The following SPON1 variants were observed in gnomAD, a reference collection of about 807,000 sequenced individuals.
SPON1 encodes the protein spondin 1.
A neutral mutation model predicts 111.7 loss-of-function variants in SPON1; 52 were observed. That is an observed-to-expected ratio of 0.47 (90% CI 0.37 to 0.59). The LOEUF (loss-of-function observed/expected upper bound fraction) is 0.59. SPON1 is among the 20% of genes least tolerant of loss of function. SPON1 has a pLI of 0.00. For missense variants in SPON1, 957 were observed against 1,068.5 expected, an observed-to-expected ratio of 0.90 and a Z score of 1.46; for synonymous variants, 410 against 395.8, an observed-to-expected ratio of 1.04 and a Z score of -0.43.
In SPON1 at chr11:13,962,805, C is replaced by G; in HGVS notation, c.-100C>G. On this transcript the variant is annotated 5_prime_UTR_variant, in exon 1 of 16. Coordinates refer to ENST00000576479, the MANE Select transcript of SPON1 (RefSeq NM_006108.4). ...ACGCCAGCTCCGAGCTCCCTCTCTC[C>G]GCCGCGCCTCCGCCAGGTCGCGCCT... is the stretch of plus-strand genomic sequence containing the variant. 5.2e-6 allele frequency: 6 copies of G among 1,157,870 alleles called. No individual in the cohort carries two copies. The highest frequency in any genetic ancestry group is 6.9e-6 in the Non-Finnish European group (6 of 870,174). 71.7% of individuals were successfully genotyped at this position (1,157,870 alleles called of 1,614,324 possible). A position where few individuals can be genotyped will look rare whatever the true frequency, so the allele number is the denominator to read the frequency against.
chr11:14,201,730 A>G (rs1197588110), intron 6 of SPON1, among the ~76,000 whole-genome samples: 1 of 152,206 alleles, frequency 6.6e-6, no homozygotes, highest in African/African-American at 2.4e-5. Flanking sequence ...AATACATACA[A>G]TTGAGTATAT....
rs565381170 is a variant in SPON1, at chr11:14,149,742, C to T, written c.825+14174C>T. On this transcript the variant is annotated intron_variant, in intron 6 of 15. Coordinates refer to ENST00000576479, the MANE Select transcript of SPON1 (RefSeq NM_006108.4). Reference sequence around the variant, plus strand: ...TTACAATTGCCTATGGTATTCAGTACAGCCACATGCTGTACAGGTTTATAG... The same window carrying T: ...TTACAATTGCCTATGGTATTCAGTATAGCCACATGCTGTACAGGTTTATAG... 2.0e-5 allele frequency among the ~76,000 whole-genome samples: 3 copies of T among 152,298 alleles called. No homozygotes were observed. In the South Asian group the frequency reaches 6.2e-4, roughly 32 times the overall value.
At chr11:14,192,832 G>T (rs1848362279) in intron 6 of SPON1, among the ~76,000 whole-genome samples, 1 of 151,642 alleles carries the variant, frequency 6.6e-6, no homozygotes, top group East Asian at 1.9e-4. Context: ...TCCAAACTGA[G>T]GAATAAAATG....
At chr11:14,206,811 A>T (rs570026083) in intron 6 of SPON1, among the ~76,000 whole-genome samples, 2 of 152,322 alleles carry the variant, frequency 1.3e-5, no homozygotes, top group East Asian at 3.9e-4. Context: ...CACACTGCCC[A>T]AAGCAATTTA....
At chr11:14,232,149 G>A (rs868967603) in intron 6 of SPON1, among the ~76,000 whole-genome samples, 2 of 151,942 alleles carry the variant, frequency 1.3e-5, no homozygotes, top group Non-Finnish European at 2.9e-5. Flanking sequence ...CTTTATTGGT[G>A]AAGGCTTCCT....
rs570664042 is a variant in SPON1, at chr11:14,052,430, G to A, written c.479+10776G>A. On this transcript the variant is annotated intron_variant, in intron 3 of 15. Coordinates refer to ENST00000576479, the MANE Select transcript of SPON1 (RefSeq NM_006108.4). ...CGAAGCTTACCCCACAGTTTTTCTG[G>A]CATTAGGTAGCAAGAGGAACTACAG... is the stretch of plus-strand genomic sequence containing the variant. 4.6e-5 allele frequency among the ~76,000 whole-genome samples: 7 copies of A among 152,298 alleles called. No homozygotes were observed. In the South Asian group the frequency reaches 8.3e-4, roughly 18 times the overall value.
At chr11:14,023,469 C>A (rs1340268017) in intron 2 of SPON1, among the ~76,000 whole-genome samples, 28 of 152,168 alleles carry the variant, frequency 1.8e-4, no homozygotes, top group Admixed American at 1.8e-3. Context: ...TAATTAACAA[C>A]ACAAGTTCCC....
At chr11:14,105,949 G>A (rs2133846002) in intron 5 of SPON1, among the ~76,000 whole-genome samples, 1 of 152,278 alleles carries the variant, frequency 6.6e-6, no homozygotes, top group East Asian at 1.9e-4. Context: ...ACTGAGAGGG[G>A]TAAGTTAATT....
chr11:14,096,207 G>T (rs1554923863), intron 5 of SPON1, among the ~76,000 whole-genome samples: 1 of 152,192 alleles, frequency 6.6e-6, no homozygotes, highest in African/African-American at 2.4e-5. Flanking sequence ...TATGGGTTGG[G>T]AGTGGAGAAG....
At chr11:14,211,729 T>G (rs1324974014) in intron 6 of SPON1, among the ~76,000 whole-genome samples, 1 of 152,212 alleles carries the variant, frequency 6.6e-6, no homozygotes, top group African/African-American at 2.4e-5. Flanking sequence ...TGTATAGTAA[T>G]ATATTGGGCA....
intron 6 of SPON1, among the ~76,000 whole-genome samples, chr11:14,178,237 A>C (rs1030448501): frequency 2.6e-5 from 4 of 152,168 alleles, no homozygotes; most frequent in African/African-American, 9.7e-5. Flanking sequence ...CCTGGCTAAC[A>C]TGGTGAAACC....
rs1554921333 is a variant in SPON1 at position 14,075,438 on chromosome 11, G to T, written c.553+20G>T. 1 of 1,519,820 alleles carries T rather than the reference G, an allele frequency of 6.6e-7. No homozygotes were observed. Among genetic ancestry groups the T allele is most frequent in the Non-Finnish European group, 8.9e-7 (1 of 1,119,986 alleles). The allele number at this position is 1,519,820 out of a possible 1,614,324, so 94.1% of individuals were successfully genotyped here. On this transcript the variant is annotated intron_variant, in intron 4 of 15. Coordinates refer to ENST00000576479, the MANE Select transcript of SPON1 (RefSeq NM_006108.4). Reference sequence around the variant, plus strand: ...AACAAGGTAAGACCCTGTGGGTGGGGAGGGGGAGGGGCAGAGACATGGAAG... The same window carrying T: ...AACAAGGTAAGACCCTGTGGGTGGGTAGGGGGAGGGGCAGAGACATGGAAG...
Position 13,962,931 on chromosome 11 carries a change from G to T in SPON1, c.27G>T (p.Lys9Asn), listed in dbSNP as rs1554907629. 3 of 1,567,358 alleles carry T rather than the reference G, an allele frequency of 1.9e-6. No individual in the cohort carries two copies. The East Asian group carries it at 7.3e-5, about 38-fold the overall frequency. MRLSPAPL[K>N]LSRTPALLAL... is the part of the protein sequence containing the mutation. ...TGAGGCTGTCCCCGGCGCCCCTGAA[G>T]CTGAGCCGGACTCCGGCACTGCTGG... The change falls in exon 1 of 16, where the codon AAG becomes AAT. Residue 9 changes from lysine (K) to asparagine (N), a missense_variant. Lys to Asn is a moderately conservative substitution (Grantham distance 94). Coordinates refer to ENST00000576479, the MANE Select transcript of SPON1 (RefSeq NM_006108.4).
intron 5 of SPON1, among the ~76,000 whole-genome samples, chr11:14,092,931 A>G (rs1357017997): frequency 6.6e-6 from 1 of 152,186 alleles, no homozygotes; most frequent in African/African-American, 2.4e-5. Context: ...GTAGGCTATT[A>G]GGAGGCCATC....
intron 5 of SPON1, among the ~76,000 whole-genome samples, chr11:14,111,632 T>G (rs1428995889): frequency 3.9e-5 from 6 of 152,142 alleles, no homozygotes; most frequent in Non-Finnish European, 8.8e-5. Flanking sequence ...TGAAGAATTG[T>G]TTATGCCAAA....
At chr11:14,184,029 A>G (rs1554933887) in intron 6 of SPON1, among the ~76,000 whole-genome samples, 1 of 152,206 alleles carries the variant, frequency 6.6e-6, no homozygotes. Context: ...AGGCTGATAT[A>G]TGGATCAGAT....
At chr11:14,260,805 G>A (rs1451766730) in intron 14 of SPON1, 53 bp downstream of exon 14, 11 of 1,573,700 alleles carry the variant, frequency 7.0e-6, no homozygotes, top group Non-Finnish European at 9.5e-6. Flanking sequence ...TGAGTCCAGG[G>A]AGCCCCGAAC....
At chr11:13,981,528 G>T (rs533431861) in intron 1 of SPON1, among the ~76,000 whole-genome samples, 1 of 152,076 alleles carries the variant, frequency 6.6e-6, no homozygotes, top group Non-Finnish European at 1.5e-5. Flanking sequence ...GGGTTTCACC[G>T]TGTTAGCCAG....
At chr11:14,077,976 A>T (rs1230805536) in intron 4 of SPON1, among the ~76,000 whole-genome samples, 2 of 152,192 alleles carry the variant, frequency 1.3e-5, no homozygotes, top group African/African-American at 2.4e-5. Context: ...GTGGATTTCA[A>T]GTAGAAATGG....
Sources: allele counts gnomAD v4.1 joint callset (sites outside exome capture counted in the v4.1 genomes callset), GRCh38; gene constraint gnomAD v4.1.1; transcripts MANE v1.5; gene names NCBI Gene and HGNC (gene_info 2026-07-23, HGNC 2026-07-21).